PYHIN1: variants seen among roughly 807,000 people sequenced by gnomAD.
The protein encoded by PYHIN1 is pyrin and HIN domain-containing protein 1.
A neutral mutation model predicts 43.7 loss-of-function variants in PYHIN1; 32 were observed. That is an observed-to-expected ratio of 0.73 (90% CI 0.55 to 0.98). PYHIN1 has a LOEUF of 0.98. Among genes scored for constraint, PYHIN1 ranks in the 50% least tolerant of loss-of-function variants. The probability of loss-of-function intolerance (pLI) is 0.00; values close to 1 mark genes in which losing one functional copy is unlikely to be tolerated. For missense variants in PYHIN1, 588 were observed against 589.5 expected (o/e 1.00, Z 0.03); for synonymous variants, 205 against 203.1 (o/e 1.01, Z -0.08).
At chr1:158,939,325 A>T in intron 4 of PYHIN1, 78 bp downstream of exon 4, 1 of 1,587,140 alleles carries the variant, frequency 6.3e-7, no homozygotes, top group Non-Finnish European at 8.6e-7. Context: ...TTCTACTGAA[A>T]AATGACATCA....
chr1:158,934,954 C>A lies in PYHIN1; in HGVS notation c.-20-1937C>A, dbSNP rs180678666. ...CATGTTGGCCAGGCTGGTCTTGAACCCTTGACCTCACATGAACTGCCTCCC... is the reference window on the plus strand; with the variant it reads ...CATGTTGGCCAGGCTGGTCTTGAACACTTGACCTCACATGAACTGCCTCCC... On this transcript the variant is annotated intron_variant, in intron 1 of 8. Transcript: ENST00000368140. Among the ~76,000 whole-genome samples the A allele has an allele frequency of 5.8e-3, 877 of 152,124 alleles. 11 individuals are homozygous for A. The highest frequency in any genetic ancestry group is 0.02 in the African/African-American group (833 of 41,504).
At chr1:158,944,804 C>A in intron 6 of PYHIN1, 71 bp from the exon 7 acceptor site, 1 of 1,154,088 alleles carries the variant, frequency 8.7e-7, no homozygotes, top group Non-Finnish European at 1.2e-6. Flanking sequence ...GGATGATATT[C>A]TCACATATTT....
chr1:158,973,555 C>A, intron 7 of PYHIN1, 92 bp from the exon 8 acceptor site: 1 of 1,298,424 alleles, frequency 7.7e-7, no homozygotes, highest in Non-Finnish European at 1.1e-6. Flanking sequence ...ACATGTATTA[C>A]ATCCAACTTA....
chr1:158,980,089 A>G (rs760219848), downstream of PYHIN1, among the ~76,000 whole-genome samples: 2 of 152,176 alleles, frequency 1.3e-5, no homozygotes, highest in Non-Finnish European at 2.9e-5. Flanking sequence ...GGGACCCCAA[A>G]TGGAGGGACT....
chr1:158,941,190 T>TA (rs891847416), intron 4 of PYHIN1, among the ~76,000 whole-genome samples: 2 of 152,240 alleles, frequency 1.3e-5, no homozygotes, highest in African/African-American at 2.4e-5. Context: ...CAAACCTACC[T>TA]ATTCCTCCAG....
intron 4 of PYHIN1, chr1:158,939,568 C>CA (rs1557824883): frequency 2.0e-6 from 3 of 1,508,486 alleles, no homozygotes; most frequent in Non-Finnish European, 2.7e-6. Flanking sequence ...CTAATTTGTT[C>CA]AAGTTTCTCT....
intron 7 of PYHIN1, among the ~76,000 whole-genome samples, chr1:158,952,028 C>G (rs856089): frequency 6.6e-6 from 1 of 151,492 alleles, no homozygotes. Context: ...GGTCCGCCTG[C>G]GGAGCTGGAG....
At chr1:158,960,772 G>T (rs776638051) in intron 7 of PYHIN1, among the ~76,000 whole-genome samples, 5 of 152,160 alleles carry the variant, frequency 3.3e-5, no homozygotes, top group Admixed American at 2.0e-4. Flanking sequence ...GTAAGGAAAA[G>T]AATTACTCTG....
intron 5 of PYHIN1, among the ~76,000 whole-genome samples, chr1:158,943,184 C>T (rs1477490614): frequency 6.6e-6 from 1 of 152,088 alleles, no homozygotes. Flanking sequence ...TCTTATTTTA[C>T]CAGCATTGCT....
At chr1:158,955,281 C>G (rs1468800800) in intron 7 of PYHIN1, among the ~76,000 whole-genome samples, 1 of 152,100 alleles carries the variant, frequency 6.6e-6, no homozygotes, top group South Asian at 2.1e-4. Context: ...CTCTCCACCC[C>G]AAATCAACAG....
chr1:158,987,119 A>T, the PYHIN1 span, among the ~76,000 whole-genome samples: 1 of 152,196 alleles, frequency 6.6e-6, no homozygotes, highest in Non-Finnish European at 1.5e-5. Context: ...AACAGTTGTG[A>T]GGTGATGGGA....
At chr1:158,964,908 A>G (rs372740333) in intron 7 of PYHIN1, among the ~76,000 whole-genome samples, 1 of 152,176 alleles carries the variant, frequency 6.6e-6, no homozygotes, top group African/African-American at 2.4e-5. Context: ...TAATGTAAAC[A>G]GGCTACACAC....
Position 158,945,010 on chromosome 1 carries a change from C to T in PYHIN1, c.1327C>T (p.Pro443Ser), listed in dbSNP as rs1443686160. ...CCATCTCAAGACTCCTCAGATGCCACCAACAACCCCATCCAGCAGTTCCTT... is the reference window on the plus strand; with the variant it reads ...CCATCTCAAGACTCCTCAGATGCCATCAACAACCCCATCCAGCAGTTCCTT... ...ESHLKTPQMP[P>S]TTPSSSSFTK... Residue 443 changes from proline to serine, a missense_variant, in exon 7 of 9, where the codon CCA becomes TCA. By Grantham distance (74) the Pro-to-Ser change is moderately conservative (BLOSUM62 -1). Transcript: ENST00000368140. The T allele has an allele frequency of 6.2e-7, 1 of 1,613,550 alleles. No individual in the cohort carries two copies. The highest frequency in any genetic ancestry group is 8.5e-7 in the Non-Finnish European group (1 of 1,179,762).
At position 158,966,473 on chromosome 1, in the gene PYHIN1, A is replaced by G. The variant is rs145528196; in HGVS notation, c.1360-7174A>G. Among the ~76,000 whole-genome samples, 473 of 152,294 alleles carry G rather than the reference A, an allele frequency of 3.1e-3. 3 individuals carry two copies. In the Middle Eastern group the frequency reaches 0.037, roughly 12 times the overall value. ...ATGAACATACATGCAAAAATCCTCA[A>G]AAAAATACAAGTAAACAAAATCTAG... is the stretch of plus-strand genomic sequence containing the variant. On this transcript the variant is annotated intron_variant, in intron 7 of 8. Coordinates refer to ENST00000368140, the MANE Select transcript of PYHIN1 (RefSeq NM_152501.5).
chr1:158,952,871 C>G (rs1231666448), intron 7 of PYHIN1, among the ~76,000 whole-genome samples: 1 of 152,284 alleles, frequency 6.6e-6, no homozygotes, highest in South Asian at 2.1e-4. Context: ...GAGTGCCAGA[C>G]AGTGGGCGCA....
chr1:158,968,873 AACAG>A (rs1650783883), intron 7 of PYHIN1, among the ~76,000 whole-genome samples: 1 of 149,306 alleles, frequency 6.7e-6, no homozygotes, highest in Admixed American at 6.6e-5. Context: ...AGAGGAGAAC[AACAG>A]ACACTGGCGC....
intron 8 of PYHIN1, 87 bp downstream of exon 8, chr1:158,973,858 C>A: frequency 1.4e-6 from 2 of 1,391,518 alleles, no homozygotes. Flanking sequence ...CATTTAAATT[C>A]TGACTATATA....
At chr1:158,961,560 GAAGAGTGAGACAAGAC>G (rs1407687556) in intron 7 of PYHIN1, among the ~76,000 whole-genome samples, 1 of 152,030 alleles carries the variant, frequency 6.6e-6, no homozygotes, top group African/African-American at 2.4e-5. Flanking sequence ...GGAGAATAGA[GAAGAGTGAGACAAGAC>G]AATTGCTCAC....
chr1:158,973,582 G>A (rs928943095), intron 7 of PYHIN1, 65 bp from the exon 8 acceptor site: 4 of 1,550,792 alleles, frequency 2.6e-6, no homozygotes, highest in Non-Finnish European at 3.5e-6. Context: ...AAAATATTAA[G>A]CAGAAAAAAC....
Sources: gnomAD v4.1 joint callset for allele counts (sites outside exome capture counted in the v4.1 genomes callset) on GRCh38, gnomAD v4.1.1 for gene constraint, MANE v1.5 for transcripts, NCBI Gene and HGNC (gene_info 2026-07-23, HGNC 2026-07-21) for gene names.